Variants in ATP8B4 observed in about 807,000 individuals in gnomAD.
ATP8B4 encodes probable phospholipid-transporting ATPase IM.
A neutral mutation model predicts 145.6 loss-of-function variants in ATP8B4; 133 were observed. The ratio of observed to expected loss-of-function variants is 0.91; its 90% confidence interval spans 0.79 to 1.05. The LOEUF is 1.05. ATP8B4 is among the 50% of genes least tolerant of loss of function. The pLI is 0.00. For synonymous variants in ATP8B4, 507 were observed against 492.9 expected (o/e 1.03, Z -0.38); for missense variants, 1,458 against 1,425.2 (o/e 1.02, Z -0.37).
At chr15:50,066,821 C>T (rs2053416206) in intron 3 of ATP8B4, among the ~76,000 whole-genome samples, 1 of 152,052 alleles carries the variant, frequency 6.6e-6, no homozygotes, top group Non-Finnish European at 1.5e-5. Context: ...TGCCCTCCGA[C>T]TTTTAAACCT....
At chr15:49,899,741 T>A (rs1297996797) in intron 21 of ATP8B4, among the ~76,000 whole-genome samples, 1 of 151,732 alleles carries the variant, frequency 6.6e-6, no homozygotes, top group Non-Finnish European at 1.5e-5. Flanking sequence ...TTTGAGCAAA[T>A]TAGAATCATG....
intron 1 of ATP8B4, among the ~76,000 whole-genome samples, chr15:50,161,423 T>C (rs2140842173): frequency 6.6e-6 from 1 of 152,184 alleles, no homozygotes; most frequent in Non-Finnish European, 1.5e-5. Flanking sequence ...TTTCTGGTTG[T>C]TTTGTGATCT....
rs558061668 is a variant in ATP8B4, at chr15:49,914,506, C to T, written c.2141+2428G>A. On this transcript the variant is annotated intron_variant, in intron 20 of 27. Transcript: ENST00000284509. ...TACATGAAATGAAAAAGCTTCTGCA[C>T]AGCAAAGGAAACAATCAACAGACTG... is the stretch of plus-strand genomic sequence containing the variant. Among the ~76,000 whole-genome samples the T allele has an allele frequency of 2.6e-5, 4 of 152,088 alleles. No homozygotes were observed. The South Asian group carries it at 8.3e-4, about 32-fold the overall frequency.
At chr15:50,090,074 G>A (rs1453528252) in intron 2 of ATP8B4, among the ~76,000 whole-genome samples, 1 of 152,112 alleles carries the variant, frequency 6.6e-6, no homozygotes, top group Non-Finnish European at 1.5e-5. Flanking sequence ...GACACGGATG[G>A]AGCTGGAAGC....
At chr15:50,029,357 G>A (rs1253288292) in intron 6 of ATP8B4, among the ~76,000 whole-genome samples, 1 of 151,878 alleles carries the variant, frequency 6.6e-6, no homozygotes, top group Admixed American at 6.6e-5. Context: ...AGACTCTAAG[G>A]GAGAATCTGT....
intron 14 of ATP8B4, among the ~76,000 whole-genome samples, chr15:49,941,491 C>T (rs1204694264): frequency 1.3e-5 from 2 of 152,094 alleles, no homozygotes; most frequent in African/African-American, 4.8e-5. Flanking sequence ...CCAAAATGAA[C>T]CTTCTGCAAT....
intron 1 of ATP8B4, among the ~76,000 whole-genome samples, chr15:50,116,279 G>T (rs949338504): frequency 6.6e-6 from 1 of 152,016 alleles, no homozygotes; most frequent in East Asian, 1.9e-4. Flanking sequence ...AAAATAAATG[G>T]TCTGTGTGTT....
intron 24 of ATP8B4, among the ~76,000 whole-genome samples, chr15:49,876,885 C>T (rs1335381366): frequency 6.6e-6 from 1 of 152,214 alleles, no homozygotes; most frequent in East Asian, 1.9e-4. Context: ...AATTCCAGCA[C>T]ATCATGTGCA....
intron 20 of ATP8B4, among the ~76,000 whole-genome samples, chr15:49,904,906 T>C (rs970461715): frequency 3.3e-5 from 5 of 152,226 alleles, no homozygotes; most frequent in East Asian, 1.9e-4. Flanking sequence ...ACATGAGTTT[T>C]TCTAATAACA....
intron 11 of ATP8B4, among the ~76,000 whole-genome samples, chr15:49,980,216 G>T (rs907113506): frequency 3.9e-5 from 6 of 152,168 alleles, no homozygotes; most frequent in Non-Finnish European, 8.8e-5. Context: ...GTAAAACACA[G>T]AGCCTGGCCA....
At chr15:50,101,060 A>G (rs1030152758) in intron 2 of ATP8B4, among the ~76,000 whole-genome samples, 2 of 152,220 alleles carry the variant, frequency 1.3e-5, no homozygotes, top group African/African-American at 2.4e-5. Flanking sequence ...ATAATGAAAA[A>G]TTATTTTAAA....
At chr15:49,913,029 G>A (rs2039388196) in intron 20 of ATP8B4, among the ~76,000 whole-genome samples, 3 of 151,970 alleles carry the variant, frequency 2.0e-5, no homozygotes, top group Admixed American at 6.6e-5. Flanking sequence ...TACTCAGGAC[G>A]CTGAAGTGGG....
chr15:50,095,511 C>A (rs975007029), intron 2 of ATP8B4, among the ~76,000 whole-genome samples: 2 of 152,154 alleles, frequency 1.3e-5, no homozygotes, highest in African/African-American at 4.8e-5. Context: ...ATTGTTAACA[C>A]TTTAGGAGGC....
intron 5 of ATP8B4, among the ~76,000 whole-genome samples, chr15:50,041,920 A>AC (rs1228234167): frequency 6.6e-6 from 1 of 152,070 alleles, no homozygotes; most frequent in Admixed American, 6.6e-5. Context: ...AGCTTGGGTG[A>AC]CAGAGCAAAA....
At chr15:50,077,842 C>G (rs1332097600) in intron 2 of ATP8B4, among the ~76,000 whole-genome samples, 5 of 152,250 alleles carry the variant, frequency 3.3e-5, no homozygotes. Context: ...GCCAACTTGG[C>G]CCCTAGTAAA....
intron 1 of ATP8B4, among the ~76,000 whole-genome samples, chr15:50,141,132 C>G (rs1007412098): frequency 2.0e-5 from 3 of 152,118 alleles, no homozygotes; most frequent in Non-Finnish European, 4.4e-5. Flanking sequence ...AAGTCTGACT[C>G]CATCTGCCCC....
chr15:50,057,973 C>A (rs2052726866), intron 3 of ATP8B4, among the ~76,000 whole-genome samples: 1 of 151,352 alleles, frequency 6.6e-6, no homozygotes, highest in South Asian at 2.1e-4. Flanking sequence ...TTTGTGACAT[C>A]TAAAAAGGGA....
rs747765187 is a variant in ATP8B4, at chr15:49,876,341, A to C, written c.2964T>G (p.Ile988Met). Residue 988 changes from isoleucine to methionine, a missense_variant, in exon 25 of 28, where the codon ATT becomes ATG. Physicochemically the swap from Ile to Met is conservative, Grantham distance 10. Coordinates refer to ENST00000284509, the MANE Select transcript of ATP8B4 (RefSeq NM_024837.4). ...TAACTGCAAAGGACTGGTAGTCAGC[A>C]ATATGTTGCCCATCTTCTCCAGCCA... Reference protein sequence around the residue: ...YNVAGEDGQHIADYQSFAVTM... With the variant: ...YNVAGEDGQHMADYQSFAVTM... 1 of 1,614,144 alleles carries C rather than the reference A, an allele frequency of 6.2e-7. No homozygotes were observed. Among genetic ancestry groups the C allele is most frequent in the Non-Finnish European group, 8.5e-7 (1 of 1,179,986 alleles).
chr15:50,149,919 G>A (rs1292521082), intron 1 of ATP8B4, among the ~76,000 whole-genome samples: 1 of 152,106 alleles, frequency 6.6e-6, no homozygotes, highest in Non-Finnish European at 1.5e-5. Flanking sequence ...TGGCCAACAT[G>A]GCAAAACGCT....
Sources: gnomAD v4.1 joint callset for allele counts (sites outside exome capture counted in the v4.1 genomes callset) on GRCh38, gnomAD v4.1.1 for gene constraint, MANE v1.5 for transcripts, NCBI Gene and HGNC (gene_info 2026-07-23, HGNC 2026-07-21) for gene names.